The following GLIPR2 variants were observed in gnomAD, a reference collection of about 807,000 sequenced individuals.
GLIPR2 encodes GLI pathogenesis related 2, also known as Golgi-associated plant pathogenesis-related protein 1.
GLIPR2 carries 21 observed loss-of-function variants against 20.4 expected under a neutral mutation model. That is an observed-to-expected ratio of 1.03 (90% confidence interval 0.73 to 1.48). The LOEUF is 1.48. Among genes scored for constraint, GLIPR2 ranks in the 40% most tolerant of loss-of-function variants. The pLI, the probability that GLIPR2 is intolerant of heterozygous loss-of-function variation, is 0.00. For missense variants in GLIPR2, 205 were observed against 200.1 expected (o/e 1.02, Z -0.15); for synonymous variants, 91 against 80.5 (o/e 1.13, Z -0.70).
intron 4 of GLIPR2, among the ~76,000 whole-genome samples, chr9:36,153,971 C>G (rs1223094313): frequency 6.6e-6 from 1 of 151,442 alleles, no homozygotes; most frequent in African/African-American, 2.4e-5. Context: ...CCAGCCCCAC[C>G]CAGGCCAGGC....
In GLIPR2 at chr9:36,162,515, AG is replaced by A. The variant is rs768347799; in HGVS notation, c.459del (p.Lys154SerfsTer13). Reference sequence around the variant, plus strand: ...TTCGAAGAAAACGTCCTGCCGCCGAAGAAGTAACTTGTTAAATGTAATGGGA... The same window carrying A: ...TTCGAAGAAAACGTCCTGCCGCCGAAAAGTAACTTGTTAAATGTAATGGGA... The part of the protein sequence containing the change: ...GFFEENVLPP[K>X]K On this transcript the variant is annotated frameshift_variant, in exon 5 of 5. Coordinates refer to ENST00000377960, the MANE Select transcript of GLIPR2 (RefSeq NM_022343.4). LOFTEE classifies it high-confidence loss of function. 9.9e-6 allele frequency: 16 copies of A among 1,614,104 alleles called. No homozygotes were observed. The highest frequency in any genetic ancestry group is 1.4e-5 in the Non-Finnish European group (16 of 1,180,040).
chr9:36,158,243 G>A (rs1825922086), intron 4 of GLIPR2, among the ~76,000 whole-genome samples: 1 of 152,206 alleles, frequency 6.6e-6, no homozygotes, highest in Non-Finnish European at 1.5e-5. Flanking sequence ...TTGCAATTCT[G>A]TTTAATTTTT....
intron 4 of GLIPR2, 95 bp downstream of exon 4, chr9:36,151,044 A>G: frequency 3.7e-6 from 3 of 811,154 alleles, no homozygotes; most frequent in Non-Finnish European, 4.3e-6. Flanking sequence ...AAAAAAATCA[A>G]TCCTTTCCTT....
chr9:36,154,434 C>T (rs1165199370), intron 4 of GLIPR2, among the ~76,000 whole-genome samples: 1 of 152,102 alleles, frequency 6.6e-6, no homozygotes, highest in Non-Finnish European at 1.5e-5. Context: ...GAGCGTATGA[C>T]CTGTTTTATG....
intron 4 of GLIPR2, among the ~76,000 whole-genome samples, chr9:36,154,029 G>A (rs1200366931): frequency 6.7e-6 from 1 of 150,302 alleles, no homozygotes; most frequent in African/African-American, 2.4e-5. Flanking sequence ...TGTGTGCTGA[G>A]TGAAGAGAAA....
rs1355653931 is a variant in GLIPR2, at chr9:36,162,552, C to T, written c.*30C>T. 1.2e-6 allele frequency: 2 copies of T among 1,610,888 alleles called. No homozygotes were observed. The highest frequency in any genetic ancestry group is 8.5e-7 in the Non-Finnish European group (1 of 1,178,146). On this transcript the variant is annotated 3_prime_UTR_variant, in exon 5 of 5. Transcript: ENST00000377960. ...TTAAATGTAATGGGAAGGTGGCAGA[C>T]TTAAGAACGTGGATATGAAGTGCCT...
chr9:36,147,548 A>C (rs150262090), intron 1 of GLIPR2, among the ~76,000 whole-genome samples: 2 of 152,308 alleles, frequency 1.3e-5, no homozygotes, highest in African/African-American at 4.8e-5. Flanking sequence ...AACAGGGCCC[A>C]TAAGGCCCCA....
At chr9:36,150,975 C>T in intron 4 of GLIPR2, 26 bp downstream of exon 4, 9 of 1,559,200 alleles carry the variant, frequency 5.8e-6, no homozygotes, top group Non-Finnish European at 8.0e-6. Flanking sequence ...TCACCAGTGG[C>T]CTGGCCCTGG....
chr9:36,163,293 G>C lies in GLIPR2; in HGVS notation c.*771G>C, dbSNP rs1281376252. ...CCCTGGTTTCTGGAGAGTTGGGCTA[G>C]GCCTGAAGCTCCCCCTCCCCCACCT... On this transcript the variant is annotated 3_prime_UTR_variant, in exon 5 of 5. Transcript: ENST00000377960. 1 of 198,402 alleles carries C rather than the reference G, an allele frequency of 5.0e-6. No individual in the cohort carries two copies. The highest frequency in any genetic ancestry group is 2.4e-5 in the African/African-American group (1 of 41,770). 12.3% of individuals were successfully genotyped at this position (198,402 alleles called of 1,614,324 possible). A position where few individuals can be genotyped will look rare whatever the true frequency, so the allele number is the denominator to read the frequency against.
rs990587963 is a variant in GLIPR2, at chr9:36,136,830, A to G, written c.13+39A>G. Reference sequence around the variant, plus strand: ...CTCGCCCGCTGCGGAATGGTTCGGAACCCCGCGCTCCCGGACCTCGCCGTC... The same window carrying G: ...CTCGCCCGCTGCGGAATGGTTCGGAGCCCCGCGCTCCCGGACCTCGCCGTC... On this transcript the variant is annotated intron_variant, in intron 1 of 4. Transcript: ENST00000377960. The surrounding 1 kb of genome is among the most constrained non-coding windows in gnomAD (Gnocchi z 4.3). The G allele has an allele frequency of 7.1e-6, 9 of 1,274,706 alleles. No individual in the cohort carries two copies. The East Asian group carries it at 2.2e-4, about 31-fold the overall frequency. The allele number at this position is 1,274,706 out of a possible 1,614,324, so 79.0% of individuals were successfully genotyped here. A position where few individuals can be genotyped will look rare whatever the true frequency, so the allele number is the denominator to read the frequency against.
At chr9:36,139,774 G>A (rs949296108) in intron 1 of GLIPR2, among the ~76,000 whole-genome samples, 32 of 152,144 alleles carry the variant, frequency 2.1e-4, no homozygotes, top group Admixed American at 1.4e-3. Context: ...TGAAATTCCA[G>A]AAGACGCTTG....
chr9:36,150,411 G>T (rs1381623904), intron 3 of GLIPR2, among the ~76,000 whole-genome samples: 1 of 152,146 alleles, frequency 6.6e-6, no homozygotes, highest in Admixed American at 6.5e-5. Context: ...GAGATCCGTG[G>T]CTTACCAGCC....
At chr9:36,137,572 C>T (rs922886573) in intron 1 of GLIPR2, among the ~76,000 whole-genome samples, 2 of 152,216 alleles carry the variant, frequency 1.3e-5, no homozygotes, top group Non-Finnish European at 2.9e-5. Context: ...TGGAGCCCAT[C>T]TGTGATTCCC....
At chr9:36,142,579 G>T (rs868842187) in intron 1 of GLIPR2, among the ~76,000 whole-genome samples, 1 of 152,182 alleles carries the variant, frequency 6.6e-6, no homozygotes, top group Non-Finnish European at 1.5e-5. Flanking sequence ...CTCTGAGGCC[G>T]TGTGGACTTT....
intron 1 of GLIPR2, 99 bp from the exon 2 acceptor site, chr9:36,147,687 G>T (rs1257046494): frequency 1.4e-6 from 1 of 725,878 alleles, no homozygotes; most frequent in Admixed American, 1.8e-5. Context: ...TGTCCACATG[G>T]CCTAAGGTTT....
At chr9:36,144,528 G>C (rs1378063456) in intron 1 of GLIPR2, 3 of 152,142 alleles carry the variant, frequency 2.0e-5, no homozygotes, top group South Asian at 2.1e-4. Flanking sequence ...AGGAAGTCCC[G>C]ATACTTCAGG....
At chr9:36,151,264 C>T (rs1277602778) in intron 4 of GLIPR2, among the ~76,000 whole-genome samples, 2 of 152,182 alleles carry the variant, frequency 1.3e-5, no homozygotes, top group Non-Finnish European at 2.9e-5. Flanking sequence ...CATGGAGCTT[C>T]ATTCCTGAAC....
upstream of GLIPR2, chr9:36,136,658 G>A: frequency 2.8e-6 from 2 of 709,156 alleles, no homozygotes; most frequent in Non-Finnish European, 3.9e-6. The surrounding 1 kb of genome is among the most constrained non-coding windows in gnomAD (Gnocchi z 4.3). Context: ...TAAGGCGGGG[G>A]CCGGGCGGCG....
chr9:36,141,816 G>C (rs985744304), intron 1 of GLIPR2: 1 of 448,602 alleles, frequency 2.2e-6, no homozygotes, highest in African/African-American at 2.0e-5. Context: ...ACCACGCATG[G>C]CTAATTTTTT....
Sources: gnomAD v4.1 joint callset for allele counts (sites outside exome capture counted in the v4.1 genomes callset) on GRCh38, gnomAD v4.1.1 for gene constraint, Gnocchi (gnomAD v3.1) non-coding constraint, MANE v1.5 for transcripts, NCBI Gene and HGNC (gene_info 2026-07-23, HGNC 2026-07-21) for gene names.